OSBPL6: variants seen among roughly 807,000 people sequenced by gnomAD.
OSBPL6 encodes oxysterol-binding protein-related protein 6.
OSBPL6 carries 49 observed loss-of-function variants against 125.8 expected under a neutral mutation model. That is an observed-to-expected ratio of 0.39 (90% CI 0.31 to 0.49). The LOEUF (loss-of-function observed/expected upper bound fraction) is 0.49, where lower values mean the gene tolerates loss of function less well. Ranked by LOEUF, OSBPL6 falls within the 20% of genes least tolerant of loss-of-function variation. OSBPL6 has a pLI of 0.88. For missense variants in OSBPL6, 986 were observed against 1,135.4 expected, an observed-to-expected ratio of 0.87 and a Z score of 1.89; for synonymous variants, 394 against 391.8, an observed-to-expected ratio of 1.01 and a Z score of -0.07.
At chr2:178,261,728 A>C (rs1458350032) in intron 1 of OSBPL6, among the ~76,000 whole-genome samples, 1 of 152,234 alleles carries the variant, frequency 6.6e-6, no homozygotes, top group Non-Finnish European at 1.5e-5. Flanking sequence ...TGAAGTGAAG[A>C]GATCAGAAAA....
Position 178,238,854 on chromosome 2 carries a change from T to C in OSBPL6, c.-351+44180T>C, listed in dbSNP as rs556601504. ...TACATACTTTCTAAATGTAGGTACT[T>C]CCCCCCAACTCATGTGGGCCTCTGC... On this transcript the variant is annotated intron_variant, in intron 1 of 24. Coordinates refer to ENST00000190611, the MANE Select transcript of OSBPL6 (RefSeq NM_032523.4). 6.2e-4 allele frequency among the ~76,000 whole-genome samples: 95 copies of C among 152,216 alleles called. 1 individual carries two copies. The highest frequency in any genetic ancestry group is 2.2e-3 in the African/African-American group (90 of 41,514).
chr2:178,214,427 C>A (rs1025461183), intron 1 of OSBPL6, among the ~76,000 whole-genome samples: 2 of 152,174 alleles, frequency 1.3e-5, no homozygotes, highest in African/African-American at 4.8e-5. Flanking sequence ...TTGGCTTGCT[C>A]ATTTGTGGGG....
At chr2:178,266,239 G>A (rs187636678) in intron 1 of OSBPL6, among the ~76,000 whole-genome samples, 35 of 152,292 alleles carry the variant, frequency 2.3e-4, no homozygotes, top group Non-Finnish European at 4.3e-4. Context: ...AGTGAGCCCC[G>A]TGAACTATTG....
chr2:178,359,189 A>G (rs1692096616), intron 12 of OSBPL6, among the ~76,000 whole-genome samples: 1 of 152,208 alleles, frequency 6.6e-6, no homozygotes, highest in African/African-American at 2.4e-5. Flanking sequence ...AAAAAATTAA[A>G]TAAATAAAAA....
chr2:178,227,652 G>T (rs2153976427), intron 1 of OSBPL6, among the ~76,000 whole-genome samples: 1 of 152,200 alleles, frequency 6.6e-6, no homozygotes, highest in Middle Eastern at 3.4e-3. Context: ...CAACATAGAT[G>T]AATTTTAGCA....
At chr2:178,387,407 A>G (rs975813708) in intron 20 of OSBPL6, among the ~76,000 whole-genome samples, 34 of 152,252 alleles carry the variant, frequency 2.2e-4, no homozygotes, top group African/African-American at 7.5e-4. Context: ...TGCTAGTTTG[A>G]TTGTATATAA....
At chr2:178,261,553 A>G (rs1045864867) in intron 1 of OSBPL6, among the ~76,000 whole-genome samples, 2 of 152,240 alleles carry the variant, frequency 1.3e-5, no homozygotes, top group Admixed American at 1.3e-4. Context: ...ATCTTAAAAT[A>G]TTATACAGTC....
At chr2:178,344,769 T>G (rs1475172007) in intron 11 of OSBPL6, among the ~76,000 whole-genome samples, 11 of 152,198 alleles carry the variant, frequency 7.2e-5, no homozygotes, top group Non-Finnish European at 1.6e-4. Context: ...TGTGCTTTTT[T>G]TTGTAGCAGT....
At chr2:178,199,253 G>A (rs932290027) in intron 1 of OSBPL6, among the ~76,000 whole-genome samples, 9 of 152,122 alleles carry the variant, frequency 5.9e-5, no homozygotes, top group Admixed American at 2.6e-4. Context: ...CAAAGGCAGC[G>A]TTTTAAATTT....
At chr2:178,308,534 A>G (rs1686984406) in intron 3 of OSBPL6, among the ~76,000 whole-genome samples, 1 of 152,212 alleles carries the variant, frequency 6.6e-6, no homozygotes, top group Non-Finnish European at 1.5e-5. Flanking sequence ...TGGTATCTTA[A>G]TGCACATTAT....
rs573208224 is a variant in OSBPL6, at chr2:178,352,902, G to A, written c.1153+3513G>A. On this transcript the variant is annotated intron_variant, in intron 12 of 24. Transcript: ENST00000190611. ...GACGAAGCTTCCAGAGGAAGGATCA[G>A]GCAGCAATATTTGCTGTTCTGCAGC... is the stretch of plus-strand genomic sequence containing the variant. Among the ~76,000 whole-genome samples the A allele has an allele frequency of 2.3e-4, 35 of 152,244 alleles. No homozygotes were observed. In the Middle Eastern group the frequency reaches 0.01, roughly 44 times the overall value.
chr2:178,242,430 C>G (rs892995775), intron 1 of OSBPL6, among the ~76,000 whole-genome samples: 79 of 152,244 alleles, frequency 5.2e-4, no homozygotes, highest in African/African-American at 1.9e-3. Context: ...CTCCTCTTTC[C>G]TCCTTTCCCA....
chr2:178,349,328 T>A lies in OSBPL6; in HGVS notation c.1092T>A (p.Pro364=), dbSNP rs751980284. ...FQTPPSHLTD[P]LESSTDYTKL... The stretch of plus-strand genomic sequence containing the variant: ...CTCCCCCTAGCCACCTCACTGACCC[T>A]CTGGAAAGTTCAACAGATTATACAA... Residue 364 remains proline, a synonymous_variant, in exon 12 of 25, where the codon CCT becomes CCA. Coordinates refer to ENST00000190611, the MANE Select transcript of OSBPL6 (RefSeq NM_032523.4). 6.2e-7 allele frequency: 1 copy of A among 1,614,176 alleles called. No homozygotes were observed. Among genetic ancestry groups the A allele is most frequent in the South Asian group, 1.1e-5 (1 of 91,078 alleles).
At chr2:178,266,723 C>T (rs2092243921) in intron 1 of OSBPL6, among the ~76,000 whole-genome samples, 1 of 152,164 alleles carries the variant, frequency 6.6e-6, no homozygotes. Context: ...TGCAACAAGA[C>T]CACAGAAAAG....
intron 2 of OSBPL6, among the ~76,000 whole-genome samples, chr2:178,290,336 C>T (rs334623): frequency 0.31 from 47,468 of 151,284 alleles, 7,547 homozygotes; most frequent in South Asian, 0.34. Flanking sequence ...TGCTTTTTAG[C>T]GAGAAACTTC....
At chr2:178,378,232 C>T (rs76586384) in intron 15 of OSBPL6, among the ~76,000 whole-genome samples, 4,033 of 152,230 alleles carry the variant, frequency 0.026, 207 homozygotes, top group East Asian at 0.19. Flanking sequence ...TGTGTGTCTG[C>T]CCCACTAGAA....
At chr2:178,259,759 G>T (rs1341025338) in intron 1 of OSBPL6, among the ~76,000 whole-genome samples, 2 of 152,190 alleles carry the variant, frequency 1.3e-5, no homozygotes, top group African/African-American at 4.8e-5. Context: ...TTCTTTGACA[G>T]GCGGCAGTTT....
chr2:178,308,989 G>A (rs1687024337), intron 3 of OSBPL6, among the ~76,000 whole-genome samples: 1 of 152,108 alleles, frequency 6.6e-6, no homozygotes, highest in African/African-American at 2.4e-5. Flanking sequence ...GGAACCCCAT[G>A]TCTAGCATGA....
rs1684573876 is a variant in OSBPL6, at chr2:178,285,126, G to A, written c.-156+5G>A. ...ACTTTGACTCCAAGGTGCAAGGTGA[G>A]TTAGAAGAACACAAGCTTAAAACCA... On this transcript the variant is annotated splice_donor_5th_base_variant and intron_variant, in intron 2 of 24. Transcript: ENST00000190611. 5.0e-6 allele frequency: 2 copies of A among 398,298 alleles called. No homozygotes were observed. The highest frequency in any genetic ancestry group is 8.9e-6 in the Non-Finnish European group (2 of 225,922). 24.7% of individuals were successfully genotyped at this position (398,298 alleles called of 1,614,324 possible).
Sources: allele counts gnomAD v4.1 joint callset (sites outside exome capture counted in the v4.1 genomes callset), GRCh38; gene constraint gnomAD v4.1.1; transcripts MANE v1.5; gene names NCBI Gene and HGNC (gene_info 2026-07-23, HGNC 2026-07-21).